FLYWCH1: variants seen among roughly 807,000 people sequenced by gnomAD.
FLYWCH1 encodes the protein FLYWCH-type zinc finger-containing protein 1.
FLYWCH1 carries 75 observed loss-of-function variants against 66.4 expected under a neutral mutation model. The observed-to-expected ratio is 1.13, with a 90% confidence interval of 0.94 to 1.37. The LOEUF is 1.37. Among genes scored for constraint, FLYWCH1 ranks in the 40% most tolerant of loss-of-function variants. FLYWCH1 has a pLI of 0.00. For missense variants in FLYWCH1, 1,334 were observed against 1,001.8 expected, an observed-to-expected ratio of 1.33 and a Z score of -4.48; for synonymous variants, 595 against 429.9, an observed-to-expected ratio of 1.38 and a Z score of -4.75.
At chr16:2,933,081 G>T in intron 4 of FLYWCH1, 49 bp from the exon 5 acceptor site, 2 of 1,529,938 alleles carry the variant, frequency 1.3e-6, no homozygotes, top group Non-Finnish European at 8.9e-7. Flanking sequence ...TGTCCCTCCT[G>T]GGCTCCTCTC....
At chr16:2,922,312 C>G (rs559650974) in intron 2 of FLYWCH1, 1 of 158,088 alleles carries the variant, frequency 6.3e-6, no homozygotes, top group South Asian at 1.9e-4. Context: ...TAAATTGCAT[C>G]CTACAACCCT....
intron 2 of FLYWCH1, chr16:2,923,008 C>CT (rs1326087561): frequency 1.0e-5 from 5 of 477,490 alleles, no homozygotes; most frequent in East Asian, 5.6e-5. Context: ...ACGCGCGGAT[C>CT]TTTTTTTGGG....
intron 9 of FLYWCH1, among the ~76,000 whole-genome samples, chr16:2,943,156 C>G (rs1020989127): frequency 6.6e-6 from 1 of 152,114 alleles, no homozygotes; most frequent in East Asian, 1.9e-4. Context: ...TATTCAGTCA[C>G]GCAGGCACAA....
At chr16:2,946,736 T>G (rs1222388700) in intron 9 of FLYWCH1, among the ~76,000 whole-genome samples, 1 of 152,130 alleles carries the variant, frequency 6.6e-6, no homozygotes, top group Non-Finnish European at 1.5e-5. Context: ...GATATACAAA[T>G]GGCCGATAGG....
chr16:2,916,605 C>G (rs1168553127), intron 2 of FLYWCH1, among the ~76,000 whole-genome samples: 1 of 151,960 alleles, frequency 6.6e-6, no homozygotes, highest in Non-Finnish European at 1.5e-5. Context: ...CCACTGCACT[C>G]CAGCCTGGGT....
intron 2 of FLYWCH1, among the ~76,000 whole-genome samples, chr16:2,924,097 G>A (rs1409629742): frequency 6.6e-6 from 1 of 151,998 alleles, no homozygotes; most frequent in African/African-American, 2.4e-5. Flanking sequence ...TTGGGAGGCC[G>A]AGGCAGGCGG....
chr16:2,921,921 G>A (rs1430191277), intron 2 of FLYWCH1, among the ~76,000 whole-genome samples: 2 of 152,042 alleles, frequency 1.3e-5, no homozygotes, highest in African/African-American at 4.8e-5. Context: ...AAATTTGCTA[G>A]GTGTGGTGGC....
intron 8 of FLYWCH1, among the ~76,000 whole-genome samples, chr16:2,939,227 C>T (rs985761322): frequency 1.1e-4 from 16 of 152,278 alleles, no homozygotes; most frequent in Admixed American, 2.0e-4. Context: ...AGGCGGATCA[C>T]CTGAGGTCAG....
intron 9 of FLYWCH1, among the ~76,000 whole-genome samples, chr16:2,946,529 G>A (rs2071494296): frequency 6.6e-6 from 1 of 151,784 alleles, no homozygotes; most frequent in Non-Finnish European, 1.5e-5. Flanking sequence ...CACCATGTTG[G>A]CCAGGCTGGT....
intron 9 of FLYWCH1, among the ~76,000 whole-genome samples, chr16:2,940,487 G>C (rs1452582725): frequency 2.0e-5 from 3 of 152,220 alleles, no homozygotes; most frequent in African/African-American, 4.8e-5. Context: ...CCAGGCTGGA[G>C]TACAGCGGCA....
At chr16:2,928,253 C>T (rs1440388190) in intron 2 of FLYWCH1, among the ~76,000 whole-genome samples, 5 of 152,192 alleles carry the variant, frequency 3.3e-5, no homozygotes, top group Non-Finnish European at 7.3e-5. Flanking sequence ...CTTCCTCTTA[C>T]CTCAACAGCA....
At chr16:2,943,623 TCAAGAG>T (rs1216107472) in intron 9 of FLYWCH1, 2 of 151,988 alleles carry the variant, frequency 1.3e-5, no homozygotes, top group African/African-American at 4.8e-5. Context: ...TTCAGCCTGA[TCAAGAG>T]CATCCGTGAA....
At chr16:2,936,330 A>G in intron 6 of FLYWCH1, 1 of 450,504 alleles carries the variant, frequency 2.2e-6, no homozygotes. Context: ...CGTGGTCCCC[A>G]GGCTCCTGTG....
intron 9 of FLYWCH1, among the ~76,000 whole-genome samples, chr16:2,944,280 C>A (rs1262061999): frequency 6.6e-6 from 1 of 151,242 alleles, no homozygotes; most frequent in African/African-American, 2.4e-5. Flanking sequence ...ATCCCAGCTA[C>A]TTGGGAGGCT....
At chr16:2,946,857 G>C (rs1427415066) in intron 9 of FLYWCH1, among the ~76,000 whole-genome samples, 1 of 152,108 alleles carries the variant, frequency 6.6e-6, no homozygotes, top group Non-Finnish European at 1.5e-5. Flanking sequence ...ACAAGTGTTG[G>C]TGACGACATG....
chr16:2,945,615 C>T (rs1238968941), intron 9 of FLYWCH1, among the ~76,000 whole-genome samples: 1 of 145,486 alleles, frequency 6.9e-6, no homozygotes, highest in African/African-American at 2.6e-5. Flanking sequence ...TGCTCTCCAG[C>T]CTGGAAGACT....
chr16:2,920,501 G>A (rs534522220), intron 2 of FLYWCH1, among the ~76,000 whole-genome samples: 26 of 145,448 alleles, frequency 1.8e-4, no homozygotes, highest in South Asian at 1.6e-3. Flanking sequence ...GTGGCCGTGA[G>A]ACTCTGTCTT....
chr16:2,937,129 G>A lies in FLYWCH1; in HGVS notation c.1522G>A (p.Glu508Lys), dbSNP rs779881800. Reference sequence around the variant, plus strand: ...CTCCCATTTCTCAACAGGAGGCCCCGAGTTCCTGAAGACGCCCCTGGGGGG... The same window carrying A: ...CTCCCATTTCTCAACAGGAGGCCCCAAGTTCCTGAAGACGCCCCTGGGGGG... ...TAQRGSPGGP[E>K]FLKTPLGGSF... Residue 508 changes from glutamate to lysine, a missense_variant, in exon 7 of 10, where the codon GAG becomes AAG. Physicochemically the swap from Glu to Lys is moderately conservative, Grantham distance 56 (BLOSUM62 1). Transcript: ENST00000253928. 1.3e-5 allele frequency: 11 copies of A among 840,504 alleles called. No individual in the cohort carries two copies. The highest frequency in any genetic ancestry group is 5.6e-5 in the African/African-American group (2 of 35,588). The allele number at this position is 840,504 out of a possible 1,614,324, so 52.1% of individuals were successfully genotyped here.
intron 9 of FLYWCH1, among the ~76,000 whole-genome samples, chr16:2,944,690 GCGC>G (rs2071406995): frequency 6.6e-6 from 1 of 151,344 alleles, no homozygotes; most frequent in African/African-American, 2.4e-5. Context: ...AGGCATGGTG[GCGC>G]CAGCCTGTAA....
Sources: gnomAD v4.1 joint callset for allele counts (sites outside exome capture counted in the v4.1 genomes callset) on GRCh38, gnomAD v4.1.1 for gene constraint, MANE v1.5 for transcripts, NCBI Gene and HGNC (gene_info 2026-07-23, HGNC 2026-07-21) for gene names.